Variants in CDH12 observed in about 807,000 individuals in gnomAD.
CDH12 encodes cadherin 12.
In CDH12, 41 loss-of-function variants were observed where a neutral mutation model predicts 74.1. The observed-to-expected ratio is 0.55, with a 90% CI of 0.43 to 0.72. The LOEUF (loss-of-function observed/expected upper bound fraction) is 0.72, where lower values mean the gene tolerates loss of function less well. Among genes scored for constraint, CDH12 ranks in the 30% least tolerant of loss-of-function variants. The pLI, the probability that CDH12 is intolerant of heterozygous loss-of-function variation, is 0.00. For synonymous variants in CDH12, 399 were observed against 355.0 expected (o/e 1.12, Z -1.39); for missense variants, 945 against 977.2 (o/e 0.97, Z 0.44).
At chr5:22,582,858 G>C (rs1019553295) in intron 1 of CDH12, among the ~76,000 whole-genome samples, 1 of 152,070 alleles carries the variant, frequency 6.6e-6, no homozygotes, top group Non-Finnish European at 1.5e-5. Flanking sequence ...AGGAGCTGGG[G>C]GTTTGTACTC....
At chr5:21,983,393 T>C (rs1757391635) in intron 5 of CDH12, among the ~76,000 whole-genome samples, 1 of 152,162 alleles carries the variant, frequency 6.6e-6, no homozygotes, top group Non-Finnish European at 1.5e-5. Flanking sequence ...AGAGCCTCTT[T>C]TTTCCCTTTT....
At chr5:22,223,505 G>A (rs553256506) in intron 3 of CDH12, among the ~76,000 whole-genome samples, 5 of 152,124 alleles carry the variant, frequency 3.3e-5, no homozygotes, top group Admixed American at 2.0e-4. Flanking sequence ...TGACCTAATC[G>A]ATGATGGGAA....
intron 1 of CDH12, among the ~76,000 whole-genome samples, chr5:22,754,744 C>G (rs2127041784): frequency 6.6e-6 from 1 of 152,174 alleles, no homozygotes; most frequent in Non-Finnish European, 1.5e-5. Context: ...TTATTTAATC[C>G]TTATGTGATT....
In CDH12 at chr5:22,279,412, C is replaced by T. The variant is rs965718169; in HGVS notation, c.-332-66769G>A. Among the ~76,000 whole-genome samples, 6 of 152,106 alleles carry T rather than the reference C, an allele frequency of 3.9e-5. No individual in the cohort carries two copies. The East Asian group carries it at 5.8e-4, about 15-fold the overall frequency. On this transcript the variant is annotated intron_variant, in intron 3 of 14. Transcript: ENST00000382254. The stretch of plus-strand genomic sequence containing the variant: ...TGATTATACTTTAAGTTTTAGGGTA[C>T]ATGTGCACAACGTGCAGGTTTGTTA...
At chr5:22,830,132 C>A (rs1007107692) in intron 1 of CDH12, among the ~76,000 whole-genome samples, 1 of 152,090 alleles carries the variant, frequency 6.6e-6, no homozygotes, top group African/African-American at 2.4e-5. Flanking sequence ...GATGAATAAA[C>A]CTGGCTAATT....
In CDH12 at chr5:22,659,234, TA is replaced by T. The variant is rs148970203; in HGVS notation, c.-522-153871del. On this transcript the variant is annotated intron_variant, in intron 1 of 14. Coordinates refer to ENST00000382254, the MANE Select transcript of CDH12 (RefSeq NM_004061.5). ...TTTGATAGTATTTATACATGGAAAA[TA>T]AAAAAAACAGGGTTTGGGAATGTGA... 8.4e-3 allele frequency among the ~76,000 whole-genome samples: 1,271 copies of T among 151,888 alleles called. 17 individuals are homozygous for T. Among genetic ancestry groups the T allele is most frequent in the African/African-American group, 0.029 (1,216 of 41,436 alleles).
chr5:21,920,667 T>G (rs1754309839), intron 6 of CDH12, among the ~76,000 whole-genome samples: 1 of 145,476 alleles, frequency 6.9e-6, no homozygotes, highest in African/African-American at 2.5e-5. Context: ...GAACTTAAAG[T>G]ATGATAATAA....
At chr5:21,843,518 C>CTTTT (rs5866528) in intron 7 of CDH12, among the ~76,000 whole-genome samples, 10 of 145,088 alleles carry the variant, frequency 6.9e-5, no homozygotes, top group Admixed American at 6.2e-4. Context: ...TGTACTGACA[C>CTTTT]TTTTTTTTTT....
At chr5:21,992,096 AT>A (rs952485477) in intron 5 of CDH12, among the ~76,000 whole-genome samples, 2 of 152,192 alleles carry the variant, frequency 1.3e-5, no homozygotes, top group African/African-American at 4.8e-5. Flanking sequence ...TAAAGCTCTC[AT>A]TATAAACACA....
At chr5:22,215,217 C>T (rs1356969820) in intron 3 of CDH12, among the ~76,000 whole-genome samples, 3 of 152,058 alleles carry the variant, frequency 2.0e-5, no homozygotes, top group Non-Finnish European at 4.4e-5. Context: ...AGAAGAAACC[C>T]ACCACTAAAA....
intron 3 of CDH12, among the ~76,000 whole-genome samples, chr5:22,403,915 T>C (rs1304730933): frequency 6.6e-6 from 1 of 152,114 alleles, no homozygotes; most frequent in African/African-American, 2.4e-5. Flanking sequence ...AATTATACAA[T>C]TAAATACAAT....
intron 5 of CDH12, among the ~76,000 whole-genome samples, chr5:22,030,236 C>T (rs1406825343): frequency 1.3e-5 from 2 of 151,780 alleles, no homozygotes; most frequent in Non-Finnish European, 2.9e-5. Flanking sequence ...GCACATTGTA[C>T]ACATGTACCC....
At chr5:22,455,115 A>G (rs1160416545) in intron 2 of CDH12, among the ~76,000 whole-genome samples, 1 of 152,216 alleles carries the variant, frequency 6.6e-6, no homozygotes, top group Non-Finnish European at 1.5e-5. Flanking sequence ...ATTCTGATGT[A>G]TCTTTTTAAA....
At chr5:22,420,945 G>A (rs938961577) in intron 2 of CDH12, among the ~76,000 whole-genome samples, 1 of 151,998 alleles carries the variant, frequency 6.6e-6, no homozygotes, top group African/African-American at 2.4e-5. Flanking sequence ...TATTCTTTTT[G>A]TAGCAATTGT....
intron 1 of CDH12, among the ~76,000 whole-genome samples, chr5:22,783,812 T>C (rs1054292335): frequency 2.0e-5 from 3 of 152,018 alleles, no homozygotes; most frequent in Non-Finnish European, 2.9e-5. Context: ...TGACAATGAG[T>C]TGGGGCTCAA....
intron 1 of CDH12, among the ~76,000 whole-genome samples, chr5:22,675,329 G>A (rs569708476): frequency 1.2e-4 from 18 of 152,296 alleles, no homozygotes; most frequent in Admixed American, 1.1e-3. Context: ...CAGCTTCCAA[G>A]TGGTGTTGAG....
chr5:21,817,656 T>C (rs536096651), intron 8 of CDH12, among the ~76,000 whole-genome samples: 1 of 152,068 alleles, frequency 6.6e-6, no homozygotes, highest in South Asian at 2.1e-4. Context: ...GTAAAATAAT[T>C]TGTATAATCA....
chr5:22,141,638 T>C (rs1017636170), intron 4 of CDH12, among the ~76,000 whole-genome samples: 1 of 152,020 alleles, frequency 6.6e-6, no homozygotes, highest in African/African-American at 2.4e-5. Context: ...GCAATATGAG[T>C]AGATCTGCAA....
chr5:22,109,005 G>A (rs1043828855), intron 4 of CDH12, among the ~76,000 whole-genome samples: 7 of 151,990 alleles, frequency 4.6e-5, no homozygotes, highest in South Asian at 2.1e-4. Context: ...TTTACCAAGC[G>A]ATTACCAGAA....
Sources: allele counts gnomAD v4.1 joint callset (sites outside exome capture counted in the v4.1 genomes callset), GRCh38; gene constraint gnomAD v4.1.1; transcripts MANE v1.5; gene names NCBI Gene and HGNC (gene_info 2026-07-23, HGNC 2026-07-21).